The following EMG1 variants were observed in gnomAD, a reference collection of about 807,000 sequenced individuals.
EMG1 encodes ribosomal RNA small subunit methyltransferase NEP1.
EMG1 carries 24 observed loss-of-function variants against 26.9 expected under a neutral mutation model. The ratio of observed to expected loss-of-function variants is 0.89; its 90% CI spans 0.65 to 1.26. The LOEUF (loss-of-function observed/expected upper bound fraction) is 1.26. Ranked by LOEUF, EMG1 falls within the 50% of genes most tolerant of loss-of-function variation. The pLI is 0.00. For missense variants in EMG1, 299 were observed against 307.6 expected (o/e 0.97, Z 0.21); for synonymous variants, 140 against 112.6 (o/e 1.24, Z -1.54).
downstream of EMG1, chr12:6,983,477 G>A (rs781806022): frequency 4.1e-5 from 66 of 1,613,016 alleles, no homozygotes; most frequent in Non-Finnish European, 5.2e-5. Flanking sequence ...GTATGGAAGA[G>A]GTGGATGAGG....
At position 6,975,319 on chromosome 12, in the gene EMG1, G is replaced by A; in HGVS notation, c.562G>A (p.Glu188Lys). 1 of 1,610,106 alleles carries A rather than the reference G, an allele frequency of 6.2e-7. No individual in the cohort carries two copies. Residue 188 changes from glutamate to lysine, a missense_variant, in exon 5 of 6, where the codon GAG becomes AAG. Physicochemically the swap from Glu to Lys is moderately conservative, Grantham distance 56 (BLOSUM62 1). Coordinates refer to ENST00000599672, the MANE Select transcript of EMG1 (RefSeq NM_006331.8). The part of the protein sequence containing the change: ...FSIPVVSDVR[E>K]LVPSSDPIVF... ...CATCCCGGTTGTCAGTGATGTGCGT[G>A]AGCTGGTGCCCAGCAGTGATCCTAT...
In EMG1 at chr12:6,978,499, T is replaced by A. The variant is rs782002257; in HGVS notation, c.*2690T>A. 2.5e-6 allele frequency: 4 copies of A among 1,613,050 alleles called. No individual in the cohort carries two copies. In the Admixed American group the frequency reaches 6.7e-5, roughly 27 times the overall value. The stretch of plus-strand genomic sequence containing the variant: ...TGAAGCCCAGGCCCGTCAAAATGCA[T>A]ACTCCTTCCTGAGAGGGAATAGCTC... On this transcript the variant is annotated 3_prime_UTR_variant, in exon 6 of 6. Transcript: ENST00000599672.
Position 6,978,728 on chromosome 12 carries a change from T to A in EMG1, c.*2919T>A, listed in dbSNP as rs1555153664. On this transcript the variant is annotated 3_prime_UTR_variant, in exon 6 of 6. Transcript: ENST00000599672. ...AGCACAGTGCATTAGGGATATCACA[T>A]GACTAGGCAGTTTCTCTCAGCACTC... 4 of 1,609,244 alleles carry A rather than the reference T, an allele frequency of 2.5e-6. No individual in the cohort carries two copies. The African/African-American group carries it at 5.3e-5, about 22-fold the overall frequency.
chr12:6,989,909 A>G (rs1946571344), downstream of EMG1, among the ~76,000 whole-genome samples: 1 of 152,150 alleles, frequency 6.6e-6, no homozygotes. Flanking sequence ...GTGGTGGCTC[A>G]CACCTGTAAT....
rs781835863 is a variant in EMG1 at position 6,995,473 on chromosome 12, C to CA, written c.*212-1737dup. ...TGGGCAACAGAGCCAGACTCCGTCTCAAAAAAAAAAAAAAAGTGTTTTCCT... is the reference window on the plus strand; with the variant it reads ...TGGGCAACAGAGCCAGACTCCGTCTCAAAAAAAAAAAAAAAAGTGTTTTCCT... On this transcript the variant is annotated intron_variant and NMD_transcript_variant, in intron 7 of 7. Coordinates refer to the EMG1 transcript ENST00000607161. Among the ~76,000 whole-genome samples, 518 of 126,290 alleles carry CA rather than the reference C, an allele frequency of 4.1e-3. 1 individual carries two copies. Among genetic ancestry groups the CA allele is most frequent in the East Asian group, 0.021 (92 of 4,434 alleles). 82.9% of individuals were successfully genotyped at this position (126,290 alleles called of 152,430 possible).
rs1448235302 is a variant in EMG1, at chr12:6,978,219, G to A, written c.*2410G>A. 2.5e-6 allele frequency: 3 copies of A among 1,185,850 alleles called. No homozygotes were observed. Among genetic ancestry groups the A allele is most frequent in the Admixed American group, 4.8e-5 (2 of 42,072 alleles). 73.5% of individuals were successfully genotyped at this position (1,185,850 alleles called of 1,614,324 possible). ...GGTGGGGGTCAAAGTCAGTGTGAGC[G>A]ACAGGGGGTTCTGCCCAGATGGGAA... On this transcript the variant is annotated 3_prime_UTR_variant, in exon 6 of 6. Transcript: ENST00000599672.
rs781867583 is a variant in EMG1, at chr12:6,975,098, T to G, written c.421T>G (p.Leu141Val). 10 of 1,613,964 alleles carry G rather than the reference T, an allele frequency of 6.2e-6. No individual in the cohort carries two copies. In the Admixed American group the frequency reaches 1.2e-4, roughly 19 times the overall value. ...DRFCGLMVQL[L>V]HKLSVRAADG... is the part of the protein sequence containing the mutation. ...TTTTTTCCCCCTTCTAGTTCAACTT[T>G]TACACAAGCTCAGTGTTCGAGCAGC... The change falls in exon 4 of 6, where the codon TTA becomes GTA. Residue 141 changes from leucine (L) to valine (V), a missense_variant. Coordinates refer to ENST00000599672, the MANE Select transcript of EMG1 (RefSeq NM_006331.8).
At chr12:6,983,013 GCT>G (rs1389819192), downstream of EMG1, 3 of 599,746 alleles carry the variant, frequency 5.0e-6, no homozygotes, top group Non-Finnish European at 9.3e-6. Context: ...GATGCGACTT[GCT>G]CTGTTGTCCA....
Position 6,986,214 on chromosome 12 carries a change from A to G in EMG1, c.*155-1568A>G, listed in dbSNP as rs991356389. On this transcript the variant is annotated intron_variant and NMD_transcript_variant, in intron 6 of 7. Transcript: ENST00000261406. ...CCTTAGACTTCCCTCTGCCTCTGCCACTGCTGAGATGGCAACCCTTTCTCT... is the reference window on the plus strand; with the variant it reads ...CCTTAGACTTCCCTCTGCCTCTGCCGCTGCTGAGATGGCAACCCTTTCTCT... 2.3e-3 allele frequency among the ~76,000 whole-genome samples: 351 copies of G among 152,266 alleles called. 3 individuals carry two copies. Among genetic ancestry groups the G allele is most frequent in the African/African-American group, 7.9e-3 (329 of 41,548 alleles).
chr12:6,977,463 C>T lies in EMG1; in HGVS notation c.*1654C>T, dbSNP rs782195366. 1 of 1,614,174 alleles carries T rather than the reference C, an allele frequency of 6.2e-7. No homozygotes were observed. Among genetic ancestry groups the T allele is most frequent in the Non-Finnish European group, 8.5e-7 (1 of 1,180,026 alleles). Reference sequence around the variant, plus strand: ...TCTGTTGCACCAAATAGTAGAAGGGCTGGAGGACAGTAATGGCGGCCAGCT... The same window carrying T: ...TCTGTTGCACCAAATAGTAGAAGGGTTGGAGGACAGTAATGGCGGCCAGCT... On this transcript the variant is annotated 3_prime_UTR_variant, in exon 6 of 6. Transcript: ENST00000599672. The surrounding 1 kb of genome is among the most constrained non-coding windows in gnomAD (Gnocchi z 4.5).
chr12:6,995,169 C>T (rs2138347376), intron 7 of EMG1, among the ~76,000 whole-genome samples: 1 of 150,044 alleles, frequency 6.7e-6, no homozygotes, highest in East Asian at 2.0e-4. Context: ...CCAGGTCACA[C>T]AACATTCAAA....
At chr12:6,981,348 C>T, downstream of EMG1, 1 of 675,566 alleles carries the variant, frequency 1.5e-6, no homozygotes. Flanking sequence ...TATGTGTGTG[C>T]ATAGCTGGCT....
downstream of EMG1, chr12:6,981,634 T>C: frequency 1.2e-6 from 2 of 1,611,842 alleles, no homozygotes; most frequent in Non-Finnish European, 1.7e-6. Flanking sequence ...CAGCCAAACC[T>C]GAGCAGAGAG....
chr12:6,975,453 T>G, intron 5 of EMG1, 75 bp downstream of exon 5: 1 of 1,414,938 alleles, frequency 7.1e-7, no homozygotes, highest in Non-Finnish European at 9.6e-7. Context: ...AGTAGGCATT[T>G]TAACAATGCT....
chr12:6,980,364 T>A (rs1030651218), downstream of EMG1, among the ~76,000 whole-genome samples: 6 of 152,054 alleles, frequency 3.9e-5, no homozygotes, highest in South Asian at 1.2e-3. Flanking sequence ...TGATAAATAT[T>A]TTTGAGACAG....
At position 6,975,835 on chromosome 12, in the gene EMG1, A is replaced by T. The variant is rs1555153107; in HGVS notation, c.*26A>T. On this transcript the variant is annotated 3_prime_UTR_variant, in exon 6 of 6. Transcript: ENST00000599672. ...CAGTAGTAGAACCTGTTCTGAAACC[A>T]GAAACTGTTGATGTCACATCCTTTG... The T allele has an allele frequency of 7.5e-7, 1 of 1,339,196 alleles. No homozygotes were observed. Among genetic ancestry groups the T allele is most frequent in the Non-Finnish European group, 1.1e-6 (1 of 930,050 alleles). 83.0% of individuals were successfully genotyped at this position (1,339,196 alleles called of 1,614,324 possible).
At chr12:6,986,002 T>C (rs2138337746) in intron 6 of EMG1, among the ~76,000 whole-genome samples, 1 of 152,014 alleles carries the variant, frequency 6.6e-6, no homozygotes, top group East Asian at 1.9e-4. Flanking sequence ...CTCGAACTCC[T>C]GACCTCAGGT....
intron 5 of EMG1, 23 bp downstream of exon 5, chr12:6,975,401 A>G (rs1213205437): frequency 6.4e-7 from 1 of 1,570,572 alleles, no homozygotes; most frequent in Non-Finnish European, 8.6e-7. Context: ...CTCAACCCTG[A>G]AATTCTTGGT....
chr12:6,977,357 CT>C lies in EMG1; in HGVS notation c.*1550del. On this transcript the variant is annotated 3_prime_UTR_variant, in exon 6 of 6. Coordinates refer to ENST00000599672, the MANE Select transcript of EMG1 (RefSeq NM_006331.8). The surrounding 1 kb of genome is among the most constrained non-coding windows in gnomAD (Gnocchi z 4.5). ...GTCCCTCCCAGTCTCACAAGCAGGC[CT>C]TCACTTGCCTTAAGCCATTTGTCCC... 1 of 1,614,170 alleles carries C rather than the reference CT, an allele frequency of 6.2e-7. No individual in the cohort carries two copies.
Sources: allele counts gnomAD v4.1 joint callset (sites outside exome capture counted in the v4.1 genomes callset), GRCh38; gene constraint gnomAD v4.1.1; non-coding constraint Gnocchi (gnomAD v3.1); transcripts MANE v1.5; gene names NCBI Gene and HGNC (gene_info 2026-07-23, HGNC 2026-07-21).